The following TPST1 variants were observed in gnomAD, a reference collection of about 807,000 sequenced individuals.
The protein encoded by TPST1 is protein-tyrosine sulfotransferase 1.
A neutral mutation model predicts 34.8 loss-of-function variants in TPST1; 20 were observed. That is an observed-to-expected ratio of 0.57 (90% CI 0.40 to 0.84). The LOEUF (loss-of-function observed/expected upper bound fraction) is 0.84, where lower values mean the gene tolerates loss of function less well. Ranked by LOEUF, TPST1 falls within the 40% of genes least tolerant of loss-of-function variation. TPST1 has a pLI of 0.00. For synonymous variants in TPST1, 152 were observed against 159.4 expected, an observed-to-expected ratio of 0.95 and a Z score of 0.35; for missense variants, 353 against 455.5, an observed-to-expected ratio of 0.78 and a Z score of 2.05.
intron 1 of TPST1, among the ~76,000 whole-genome samples, chr7:66,221,272 AATTATCAGCAGGGAAAAAAAT>A (rs1789537140): frequency 6.6e-6 from 1 of 152,124 alleles, no homozygotes; most frequent in South Asian, 2.1e-4. Context: ...TTTTTTCCGT[AATTATCAGCAGGGAAAAAAAT>A]TGAGGGAAAT....
chr7:66,329,896 TG>T (rs1791962949), intron 3 of TPST1, among the ~76,000 whole-genome samples: 1 of 152,028 alleles, frequency 6.6e-6, no homozygotes, highest in Non-Finnish European at 1.5e-5. Context: ...AGGTAAACAC[TG>T]GGTACAAATG....
chr7:66,234,215 C>T (rs976596696), intron 1 of TPST1, among the ~76,000 whole-genome samples: 3 of 152,198 alleles, frequency 2.0e-5, no homozygotes, highest in African/African-American at 7.2e-5. Flanking sequence ...TTTTGCATAT[C>T]TACGTACTTT....
At chr7:66,260,354 A>C (rs1790464523) in intron 2 of TPST1, among the ~76,000 whole-genome samples, 1 of 152,216 alleles carries the variant, frequency 6.6e-6, no homozygotes, top group Non-Finnish European at 1.5e-5. Context: ...TATGTGTGGA[A>C]TTTCCCACTT....
intron 2 of TPST1, among the ~76,000 whole-genome samples, chr7:66,246,836 G>A (rs574067820): frequency 2.0e-5 from 3 of 152,272 alleles, no homozygotes; most frequent in South Asian, 2.1e-4. Flanking sequence ...AACAAATGGC[G>A]TTTAGTATTT....
At chr7:66,200,710 G>A (rs1367920038), upstream of TPST1, among the ~76,000 whole-genome samples, 1 of 151,676 alleles carries the variant, frequency 6.6e-6, no homozygotes, top group Non-Finnish European at 1.5e-5. Flanking sequence ...GTGAGCCACC[G>A]CGCCCGACCG....
chr7:66,273,121 G>A (rs1433046406), intron 2 of TPST1, among the ~76,000 whole-genome samples: 2 of 152,034 alleles, frequency 1.3e-5, no homozygotes, highest in African/African-American at 2.4e-5. Context: ...AATCAGTAGT[G>A]TTTCTATACA....
chr7:66,256,921 C>G (rs1289107246), intron 2 of TPST1, among the ~76,000 whole-genome samples: 1 of 152,116 alleles, frequency 6.6e-6, no homozygotes, highest in Non-Finnish European at 1.5e-5. Context: ...TAAATCAGGT[C>G]CAGTTGTGAG....
chr7:66,342,294 T>C (rs1163589713), intron 3 of TPST1, among the ~76,000 whole-genome samples: 4 of 152,146 alleles, frequency 2.6e-5, no homozygotes, highest in Admixed American at 1.3e-4. Context: ...TGGTGCATAC[T>C]GAGAATCACA....
chr7:66,321,327 G>C (rs909412228), intron 3 of TPST1, among the ~76,000 whole-genome samples: 24 of 152,236 alleles, frequency 1.6e-4, no homozygotes, highest in Non-Finnish European at 2.9e-5. Flanking sequence ...TTAGGGGTCA[G>C]TCATGACATA....
chr7:66,230,783 T>C (rs1789767573), intron 1 of TPST1, among the ~76,000 whole-genome samples: 1 of 152,154 alleles, frequency 6.6e-6, no homozygotes, highest in Admixed American at 6.5e-5. Context: ...TTTTATTCTT[T>C]TATCCGGCCC....
intron 2 of TPST1, among the ~76,000 whole-genome samples, chr7:66,282,554 C>T (rs911538885): frequency 2.6e-5 from 4 of 152,176 alleles, no homozygotes; most frequent in Non-Finnish European, 5.9e-5. Flanking sequence ...CTCTTAGGAT[C>T]AGAGTTTTTC....
chr7:66,308,064 C>T (rs930023614), intron 3 of TPST1, among the ~76,000 whole-genome samples: 1 of 152,164 alleles, frequency 6.6e-6, no homozygotes, highest in African/African-American at 2.4e-5. Flanking sequence ...AGTGTGGATT[C>T]GTATTTATAG....
upstream of TPST1, among the ~76,000 whole-genome samples, chr7:66,200,920 G>A (rs1377387962): frequency 6.6e-6 from 1 of 151,856 alleles, no homozygotes; most frequent in East Asian, 1.9e-4. Flanking sequence ...TAGAGATTGG[G>A]TTTTACCATG....
At chr7:66,354,154 A>C (rs1373629631) in intron 4 of TPST1, among the ~76,000 whole-genome samples, 1 of 152,186 alleles carries the variant, frequency 6.6e-6, no homozygotes, top group Non-Finnish European at 1.5e-5. Context: ...ATTTATCCAG[A>C]AGAATCCGAC....
At chr7:66,345,864 ATAGT>A (rs1229421864) in intron 3 of TPST1, among the ~76,000 whole-genome samples, 1 of 152,150 alleles carries the variant, frequency 6.6e-6, no homozygotes, top group Non-Finnish European at 1.5e-5. Flanking sequence ...TTTTAAATAA[ATAGT>A]TAATTATTGA....
At chr7:66,278,152 T>A (rs978118885) in intron 2 of TPST1, among the ~76,000 whole-genome samples, 8 of 137,706 alleles carry the variant, frequency 5.8e-5, no homozygotes, top group African/African-American at 1.9e-4. Flanking sequence ...AGGTGAGAGA[T>A]GTTTGCTTGG....
At chr7:66,357,780 A>T (rs1792609787) in intron 5 of TPST1, among the ~76,000 whole-genome samples, 1 of 152,220 alleles carries the variant, frequency 6.6e-6, no homozygotes, top group Admixed American at 6.5e-5. Context: ...TAACTTGAAC[A>T]GCCTTTTCAA....
At chr7:66,325,687 G>A (rs1305043129) in intron 3 of TPST1, among the ~76,000 whole-genome samples, 1 of 152,106 alleles carries the variant, frequency 6.6e-6, no homozygotes, top group Admixed American at 6.6e-5. Flanking sequence ...CCAGGCTGGA[G>A]TGCAGTGGCA....
chr7:66,206,969 A>T (rs558628307), intron 1 of TPST1, among the ~76,000 whole-genome samples: 1 of 152,302 alleles, frequency 6.6e-6, no homozygotes, highest in African/African-American at 2.4e-5. Context: ...TGGAGGAAAT[A>T]GCGAGTCGAT....
Sources: allele counts gnomAD v4.1 joint callset (sites outside exome capture counted in the v4.1 genomes callset), GRCh38; gene constraint gnomAD v4.1.1; transcripts MANE v1.5; gene names NCBI Gene and HGNC (gene_info 2026-07-23, HGNC 2026-07-21).